The following ZNF680 variants were observed in gnomAD, a reference collection of about 807,000 sequenced individuals.
ZNF680 encodes the protein zinc finger protein 680, also known as hypothetical protein FLJ90430.
A neutral mutation model predicts 12.1 loss-of-function variants in ZNF680; 6 were observed. The ratio of observed to expected loss-of-function variants is 0.49; its 90% confidence interval spans 0.27 to 0.98. The LOEUF (loss-of-function observed/expected upper bound fraction) is 0.98. ZNF680 is among the 50% of genes least tolerant of loss of function. ZNF680 has a pLI of 0.12. For synonymous variants in ZNF680, 170 were observed against 199.3 expected, an observed-to-expected ratio of 0.85 and a Z score of 1.24; for missense variants, 561 against 616.3, an observed-to-expected ratio of 0.91 and a Z score of 0.95.
chr7:64,507,511 T>C, the ZNF680 span, among the ~76,000 whole-genome samples: 1 of 126,314 alleles, frequency 7.9e-6, no homozygotes, highest in Non-Finnish European at 1.7e-5. Context: ...TTCAACTCAA[T>C]TATTCTATTT....
At chr7:64,531,069 G>T (rs959091711) in intron 3 of ZNF680, among the ~76,000 whole-genome samples, 1 of 151,952 alleles carries the variant, frequency 6.6e-6, no homozygotes, top group African/African-American at 2.4e-5. Flanking sequence ...GAACTAGACA[G>T]ATCAAGACAG....
At chr7:64,540,519 G>A (rs918394659) in intron 3 of ZNF680, among the ~76,000 whole-genome samples, 2 of 151,970 alleles carry the variant, frequency 1.3e-5, no homozygotes, top group African/African-American at 4.8e-5. Flanking sequence ...TGGCCAGGCT[G>A]GTCTCGAACT....
the ZNF680 span, among the ~76,000 whole-genome samples, chr7:64,500,106 C>T: frequency 1.3e-5 from 2 of 152,120 alleles, no homozygotes; most frequent in Admixed American, 6.5e-5. Context: ...CCAGCTGCCC[C>T]CCTAGGTTTA....
At chr7:64,547,972 C>T (rs2116508405) in intron 1 of ZNF680, among the ~76,000 whole-genome samples, 1 of 152,264 alleles carries the variant, frequency 6.6e-6, no homozygotes, top group Non-Finnish European at 1.5e-5. Context: ...AGGCAAGACT[C>T]CACAGTGGGG....
chr7:64,531,335 C>T (rs1785865207), intron 3 of ZNF680, among the ~76,000 whole-genome samples: 1 of 152,038 alleles, frequency 6.6e-6, no homozygotes, highest in African/African-American at 2.4e-5. Context: ...GTGACTCACG[C>T]CTGTAATCCC....
chr7:64,554,513 C>T (rs906345826), intron 1 of ZNF680, among the ~76,000 whole-genome samples: 8 of 152,262 alleles, frequency 5.3e-5, no homozygotes, highest in Middle Eastern at 3.4e-3. Flanking sequence ...TCATTGAGAA[C>T]GGGCCATGAT....
At chr7:64,553,707 T>C (rs915895570) in intron 1 of ZNF680, among the ~76,000 whole-genome samples, 3 of 152,228 alleles carry the variant, frequency 2.0e-5, no homozygotes, top group Admixed American at 6.5e-5. Flanking sequence ...TGCCTCAGCC[T>C]GCCAAGTGCC....
chr7:64,542,935 G>A (rs1786584740), intron 3 of ZNF680, among the ~76,000 whole-genome samples: 3 of 152,170 alleles, frequency 2.0e-5, no homozygotes, highest in African/African-American at 7.2e-5. Flanking sequence ...CTGACCTCAA[G>A]TGATCTCCCT....
chr7:64,534,337 G>A (rs1236274893), intron 3 of ZNF680, among the ~76,000 whole-genome samples: 2 of 151,968 alleles, frequency 1.3e-5, no homozygotes, highest in East Asian at 3.9e-4. Context: ...CAATCCCATC[G>A]AAAAGTGGGC....
chr7:64,518,258 A>G (rs1562727903), downstream of ZNF680, among the ~76,000 whole-genome samples: 1 of 152,078 alleles, frequency 6.6e-6, no homozygotes, highest in Non-Finnish European at 1.5e-5. Flanking sequence ...TACACAAATC[A>G]GTCACTCTGC....
intron 3 of ZNF680, among the ~76,000 whole-genome samples, chr7:64,528,499 A>G (rs1273040468): frequency 6.6e-6 from 1 of 152,190 alleles, no homozygotes; most frequent in Non-Finnish European, 1.5e-5. Flanking sequence ...CAGTAGGAGT[A>G]AGACCAGCCC....
At chr7:64,519,200 AAAG>A (rs79554644), downstream of ZNF680, among the ~76,000 whole-genome samples, 7,589 of 152,070 alleles carry the variant, frequency 0.05, 279 homozygotes, top group East Asian at 0.17. Context: ...ACAATTCTCA[AAAG>A]AAGATATACG....
At chr7:64,500,302 A>G in the ZNF680 span, among the ~76,000 whole-genome samples, 2 of 152,210 alleles carry the variant, frequency 1.3e-5, no homozygotes, top group African/African-American at 4.8e-5. Flanking sequence ...CTGGATATAA[A>G]AAAAGGAAAA....
chr7:64,512,457 CAAAAAAAAAAAAA>C, the ZNF680 span, among the ~76,000 whole-genome samples: 1 of 87,224 alleles, frequency 1.1e-5, no homozygotes, highest in East Asian at 3.7e-4. Context: ...CCGTCTCCAG[CAAAAAAAAAAAAA>C]AAAAAAAAAA....
chr7:64,535,716 G>A (rs1786130230), intron 3 of ZNF680, among the ~76,000 whole-genome samples: 1 of 152,050 alleles, frequency 6.6e-6, no homozygotes, highest in Non-Finnish European at 1.5e-5. Flanking sequence ...GTCCGAAGCA[G>A]GTGAATCACT....
chr7:64,556,615 T>C (rs955981834), intron 1 of ZNF680, among the ~76,000 whole-genome samples: 8 of 141,994 alleles, frequency 5.6e-5, no homozygotes, highest in African/African-American at 2.1e-4. Context: ...CCTTACACCA[T>C]ATAAAAAAAA....
chr7:64,527,670 G>T (rs1026699924), intron 3 of ZNF680, among the ~76,000 whole-genome samples: 1 of 151,784 alleles, frequency 6.6e-6, no homozygotes, highest in South Asian at 2.1e-4. Flanking sequence ...ACTCCGGCCT[G>T]AGCAACAACA....
chr7:64,504,972 G>A, the ZNF680 span, among the ~76,000 whole-genome samples: 2 of 152,254 alleles, frequency 1.3e-5, no homozygotes, highest in African/African-American at 4.8e-5. Flanking sequence ...AATCAGATAA[G>A]AGCAATGTGT....
chr7:64,556,160 T>C (rs1364324291), intron 1 of ZNF680, among the ~76,000 whole-genome samples: 1 of 146,926 alleles, frequency 6.8e-6, no homozygotes, highest in African/African-American at 2.5e-5. Flanking sequence ...TGCTCATGGA[T>C]AGAAAAGACT....
Sources: gnomAD v4.1 joint callset for allele counts (sites outside exome capture counted in the v4.1 genomes callset) on GRCh38, gnomAD v4.1.1 for gene constraint, MANE v1.5 for transcripts, NCBI Gene and HGNC (gene_info 2026-07-23, HGNC 2026-07-21) for gene names.